SEL1L: variants seen among roughly 807,000 people sequenced by gnomAD.
SEL1L encodes the protein SEL1L adaptor subunit of SYVN1 ubiquitin ligase, also known as protein sel-1 homolog 1.
SEL1L carries 52 observed loss-of-function variants against 109.8 expected under a neutral mutation model. The observed-to-expected ratio is 0.47, with a 90% CI of 0.38 to 0.60. The LOEUF (loss-of-function observed/expected upper bound fraction) is 0.60. Ranked by LOEUF, SEL1L falls within the 20% of genes least tolerant of loss-of-function variation. The pLI is 0.00. For missense variants in SEL1L, 749 were observed against 962.2 expected, an observed-to-expected ratio of 0.78 and a Z score of 2.93; for synonymous variants, 373 against 339.6, an observed-to-expected ratio of 1.10 and a Z score of -1.08.
At position 81,486,406 on chromosome 14, in the gene SEL1L, T is replaced by C; in HGVS notation, c.1681A>G (p.Thr561Ala). ...CCATCTTTATAGCTGTTATAGGCAG[T>C]CATAAGCCTTTCAGACCAACGGCCT... The part of the protein sequence containing the change: ...ERGRWSERLM[T>A]AYNSYKDGDY... The change falls in exon 17 of 21, where the codon ACT (threonine) becomes GCT (alanine). Residue 561 changes from threonine (T) to alanine (A), a missense_variant. Thr to Ala is a moderately conservative substitution (Grantham distance 58). Around this residue, in one of 2 missense-constraint regions of SEL1L, gnomAD observed 383 missense variants for 562.5 expected, o/e 0.68. Coordinates refer to ENST00000336735, the MANE Select transcript of SEL1L (RefSeq NM_005065.6). 6.2e-7 allele frequency: 1 copy of C among 1,614,118 alleles called. No homozygotes were observed. The highest frequency in any genetic ancestry group is 8.5e-7 in the Non-Finnish European group (1 of 1,180,014).
chr14:81,504,486 A>AAT (rs1555414529), intron 4 of SEL1L, among the ~76,000 whole-genome samples, 180 bp from the exon 5 acceptor site: 130 of 151,384 alleles, frequency 8.6e-4, no homozygotes, highest in African/African-American at 2.8e-3. Context: ...ACTTAAAAAA[A>AAT]ATATATATAT....
At chr14:81,513,526 G>A (rs982396091) in intron 3 of SEL1L, among the ~76,000 whole-genome samples, 1 of 152,128 alleles carries the variant, frequency 6.6e-6, no homozygotes, top group African/African-American at 2.4e-5. Flanking sequence ...AAGTCAGCGA[G>A]ACCAAGAACC....
intron 1 of SEL1L, among the ~76,000 whole-genome samples, chr14:81,529,745 C>G (rs1885254803): frequency 6.6e-6 from 1 of 152,192 alleles, no homozygotes; most frequent in Non-Finnish European, 1.5e-5. Flanking sequence ...GGAAAGCCTA[C>G]TCCAGATGGT....
intron 3 of SEL1L, among the ~76,000 whole-genome samples, chr14:81,515,985 T>C (rs1384568833): frequency 6.6e-6 from 1 of 152,172 alleles, no homozygotes; most frequent in Non-Finnish European, 1.5e-5. Context: ...AGGAGGCCAA[T>C]CACCTGGTGG....
chr14:81,498,405 A>G lies in SEL1L; in HGVS notation c.973+8T>C. On this transcript the variant is annotated splice_region_variant and intron_variant, in intron 9 of 20. Coordinates refer to ENST00000336735, the MANE Select transcript of SEL1L (RefSeq NM_005065.6). ...TTTCCTAAAAGGTAAAAGGGGAAACATAGATACCATGATTGGCAACAAGAC... is the reference window on the plus strand; with the variant it reads ...TTTCCTAAAAGGTAAAAGGGGAAACGTAGATACCATGATTGGCAACAAGAC... 3 of 1,607,696 alleles carry G rather than the reference A, an allele frequency of 1.9e-6. No homozygotes were observed. Among genetic ancestry groups the G allele is most frequent in the African/African-American group, 1.3e-5 (1 of 74,828 alleles).
At chr14:81,498,386 A>T in intron 9 of SEL1L, 27 bp downstream of exon 9, 1 of 1,546,392 alleles carries the variant, frequency 6.5e-7, no homozygotes, top group Admixed American at 1.9e-5. Context: ...TTTTTTTCCT[A>T]AAAGGTAAAA....
intron 3 of SEL1L, among the ~76,000 whole-genome samples, chr14:81,507,092 T>C (rs1884271001): frequency 6.6e-6 from 1 of 152,094 alleles, no homozygotes; most frequent in Non-Finnish European, 1.5e-5. Flanking sequence ...GTGACAAGAA[T>C]CAAATGAATG....
intron 10 of SEL1L, 112 bp downstream of exon 10, chr14:81,497,780 T>C (rs1423196191): frequency 3.2e-6 from 3 of 943,804 alleles, no homozygotes; most frequent in Non-Finnish European, 4.7e-6. Context: ...TAGTTCATAA[T>C]TGCTCAGGGC....
chr14:81,523,803 A>T (rs149600290), intron 3 of SEL1L, among the ~76,000 whole-genome samples: 2 of 152,126 alleles, frequency 1.3e-5, no homozygotes, highest in South Asian at 2.1e-4. Context: ...TGCAGAACTG[A>T]TTGCTTACTT....
At chr14:81,508,724 G>C (rs1046750861) in intron 3 of SEL1L, among the ~76,000 whole-genome samples, 2 of 152,198 alleles carry the variant, frequency 1.3e-5, no homozygotes, top group Non-Finnish European at 2.9e-5. Context: ...ACTGCAGTTT[G>C]TAAACCTGAA....
intron 3 of SEL1L, among the ~76,000 whole-genome samples, chr14:81,516,188 C>T (rs773530689): frequency 6.6e-6 from 1 of 152,190 alleles, no homozygotes; most frequent in Admixed American, 6.5e-5. Context: ...CCAGGCCAAG[C>T]GCCAGCTCAC....
At chr14:81,524,216 C>T (rs1374247913) in intron 3 of SEL1L, among the ~76,000 whole-genome samples, 1 of 152,084 alleles carries the variant, frequency 6.6e-6, no homozygotes, top group Non-Finnish European at 1.5e-5. Flanking sequence ...TAAATGGTTG[C>T]CAAAACCCCT....
At chr14:81,498,645 G>C in intron 8 of SEL1L, 151 bp from the exon 9 acceptor site, 1 of 595,436 alleles carries the variant, frequency 1.7e-6, no homozygotes, top group Non-Finnish European at 3.0e-6. Context: ...TAGGTTTTGA[G>C]GTAATGGATT....
At chr14:81,527,873 A>C (rs1371409961) in intron 1 of SEL1L, 135 bp from the exon 2 acceptor site, 1 of 574,438 alleles carries the variant, frequency 1.7e-6, no homozygotes, top group Admixed American at 3.6e-5. Flanking sequence ...TTTTAAAGTT[A>C]GCTATATTCA....
intron 11 of SEL1L, among the ~76,000 whole-genome samples, chr14:81,494,457 C>CA (rs1309106755): frequency 6.6e-6 from 1 of 152,200 alleles, no homozygotes; most frequent in East Asian, 1.9e-4. Context: ...CAAATCTGAA[C>CA]ATGCTGATCT....
intron 13 of SEL1L, among the ~76,000 whole-genome samples, chr14:81,489,972 A>C (rs1883478229): frequency 6.6e-6 from 1 of 152,236 alleles, no homozygotes; most frequent in Admixed American, 6.5e-5. Context: ...GTACATACTG[A>C]AGACATACAA....
In SEL1L at chr14:81,476,705, A is replaced by G. The variant is rs996356074; in HGVS notation, c.*267T>C. ...GTAGACATTACTCTGAGTGTCTCAC[A>G]TATGTTTCCAGAAAAGAAAAAAAAA... is the stretch of plus-strand genomic sequence containing the variant. On this transcript the variant is annotated 3_prime_UTR_variant, in exon 21 of 21. Transcript: ENST00000336735. The G allele has an allele frequency of 1.6e-5, 7 of 441,050 alleles. No individual in the cohort carries two copies. Among genetic ancestry groups the G allele is most frequent in the Non-Finnish European group, 2.5e-5 (6 of 243,424 alleles). The allele number at this position is 441,050 out of a possible 1,614,324, so 27.3% of individuals were successfully genotyped here. A position where few individuals can be genotyped will look rare whatever the true frequency, so the allele number is the denominator to read the frequency against.
chr14:81,511,233 T>C (rs111489576), intron 3 of SEL1L, among the ~76,000 whole-genome samples: 9 of 152,360 alleles, frequency 5.9e-5, no homozygotes, highest in African/African-American at 2.2e-4. Context: ...ATATGCAGAA[T>C]GAACAAAACG....
intron 3 of SEL1L, among the ~76,000 whole-genome samples, chr14:81,507,730 G>A: frequency 6.6e-6 from 1 of 151,628 alleles, no homozygotes; most frequent in East Asian, 1.9e-4. Flanking sequence ...TAAGAATGCT[G>A]CATGAGAGGT....
Sources: allele counts gnomAD v4.1 joint callset (sites outside exome capture counted in the v4.1 genomes callset), GRCh38; gene constraint gnomAD v4.1.1; regional missense constraint gnomAD v4.1.1; transcripts MANE v1.5; gene names NCBI Gene and HGNC (gene_info 2026-07-23, HGNC 2026-07-21).